The following PCDH15 variants were observed in gnomAD, a reference collection of about 807,000 sequenced individuals.
PCDH15 encodes protocadherin-15.
In PCDH15, 129 loss-of-function variants were observed where a neutral mutation model predicts 178.5. The observed-to-expected ratio is 0.72, with a 90% CI of 0.63 to 0.84. PCDH15 has a LOEUF of 0.84. Among genes scored for constraint, PCDH15 ranks in the 40% least tolerant of loss-of-function variants. The pLI is 0.00. For synonymous variants in PCDH15, 800 were observed against 732.0 expected (o/e 1.09, Z -1.50); for missense variants, 2,230 against 2,099.9 (o/e 1.06, Z -1.21).
At chr10:54,300,658 G>T (rs949978365) in intron 8 of PCDH15, among the ~76,000 whole-genome samples, 2 of 152,158 alleles carry the variant, frequency 1.3e-5, no homozygotes, top group African/African-American at 2.4e-5. Context: ...TCGGATGGGG[G>T]CTTGGAGAAC....
At chr10:54,680,505 T>G (rs1434314729) in intron 1 of PCDH15, among the ~76,000 whole-genome samples, 1 of 152,108 alleles carries the variant, frequency 6.6e-6, no homozygotes, top group Non-Finnish European at 1.5e-5. Flanking sequence ...TAGTTTAGGT[T>G]GTGTTAATGC....
chr10:54,412,634 G>C (rs1365994136), intron 3 of PCDH15, among the ~76,000 whole-genome samples: 2 of 152,154 alleles, frequency 1.3e-5, no homozygotes, highest in Non-Finnish European at 2.9e-5. Flanking sequence ...ATTAATGACT[G>C]TTACTGGCTA....
chr10:55,109,201 T>C (rs1837433149), intron 2 of PCDH15, among the ~76,000 whole-genome samples: 1 of 152,218 alleles, frequency 6.6e-6, no homozygotes, highest in East Asian at 1.9e-4. Flanking sequence ...CACTGAATAT[T>C]TGTATTTAGG....
intron 8 of PCDH15, among the ~76,000 whole-genome samples, chr10:54,294,673 T>TCA (rs1274942950): frequency 3.4e-5 from 5 of 145,182 alleles, no homozygotes; most frequent in East Asian, 2.0e-4. Context: ...GCAACAGTAA[T>TCA]CACACACACA....
intron 26 of PCDH15, among the ~76,000 whole-genome samples, chr10:53,872,174 CA>C (rs1346993090): frequency 5.9e-5 from 9 of 152,208 alleles, no homozygotes; most frequent in African/African-American, 2.2e-4. Flanking sequence ...TCCCTCTTTA[CA>C]AATTTCAGTA....
intron 2 of PCDH15, among the ~76,000 whole-genome samples, chr10:55,379,614 C>T (rs1837484498): frequency 1.3e-5 from 2 of 151,890 alleles, no homozygotes; most frequent in South Asian, 2.1e-4. Flanking sequence ...CAGCTAAATA[C>T]TTATTTAGCT....
chr10:54,030,561 A>G (rs2093263733), intron 18 of PCDH15, among the ~76,000 whole-genome samples: 1 of 152,052 alleles, frequency 6.6e-6, no homozygotes, highest in Admixed American at 6.6e-5. Flanking sequence ...AACTTGAATT[A>G]AAATCACTAA....
intron 2 of PCDH15, among the ~76,000 whole-genome samples, chr10:54,654,478 C>G (rs1322198499): frequency 1.3e-5 from 2 of 152,090 alleles, no homozygotes; most frequent in African/African-American, 2.4e-5. Flanking sequence ...TGCTGAAATG[C>G]TACAAAATTA....
chr10:55,618,383 G>A (rs1361229112), intron 2 of PCDH15, among the ~76,000 whole-genome samples: 4 of 151,962 alleles, frequency 2.6e-5, no homozygotes, highest in African/African-American at 9.7e-5. Flanking sequence ...TCCTAGGAGT[G>A]TCCTAATAGG....
At chr10:53,888,702 T>TATATATA (rs1554845542) in intron 26 of PCDH15, among the ~76,000 whole-genome samples, 2,077 of 46,140 alleles carry the variant, frequency 0.045, 459 homozygotes, top group Middle Eastern at 0.095. Flanking sequence ...TATATATATA[T>TATATATA]ATCTCCTGTG....
chr10:55,388,005 A>C (rs1234807005), intron 2 of PCDH15, among the ~76,000 whole-genome samples: 1 of 152,038 alleles, frequency 6.6e-6, no homozygotes, highest in African/African-American at 2.4e-5. Flanking sequence ...CAAATATTTG[A>C]TTACAAAATG....
intron 16 of PCDH15, among the ~76,000 whole-genome samples, chr10:54,081,440 C>T (rs895798153): frequency 9.2e-5 from 14 of 151,952 alleles, no homozygotes; most frequent in African/African-American, 3.4e-4. Context: ...TAAACACAAA[C>T]AGCTAATTGT....
intron 2 of PCDH15, among the ~76,000 whole-genome samples, chr10:54,919,903 A>C (rs1279580793): frequency 6.6e-6 from 1 of 152,056 alleles, no homozygotes; most frequent in Non-Finnish European, 1.5e-5. Flanking sequence ...GAAAAAAAAA[A>C]GGCTCTGTAA....
intron 15 of PCDH15, among the ~76,000 whole-genome samples, chr10:54,108,410 AGCTGATGCCG>A (rs2094955332): frequency 6.6e-6 from 1 of 152,184 alleles, no homozygotes; most frequent in African/African-American, 2.4e-5. Context: ...GAATGAATTC[AGCTGATGCCG>A]GCTCACAGAA....
intron 2 of PCDH15, among the ~76,000 whole-genome samples, chr10:55,003,203 A>G (rs1215483162): frequency 6.6e-6 from 1 of 152,194 alleles, no homozygotes; most frequent in Non-Finnish European, 1.5e-5. Context: ...TGATTCTTCT[A>G]AAAAGCAACT....
At chr10:54,544,076 C>T (rs1333609358) in intron 2 of PCDH15, among the ~76,000 whole-genome samples, 3 of 152,160 alleles carry the variant, frequency 2.0e-5, no homozygotes, top group African/African-American at 7.2e-5. Flanking sequence ...TCAACAATCC[C>T]ATTCTGCATC....
At chr10:54,949,570 G>T (rs903437995) in intron 2 of PCDH15, among the ~76,000 whole-genome samples, 2 of 151,824 alleles carry the variant, frequency 1.3e-5, no homozygotes, top group Non-Finnish European at 2.9e-5. Flanking sequence ...CAAAAAATGG[G>T]TTTTTCTTTT....
chr10:54,013,169 C>T (rs2660146), intron 20 of PCDH15, among the ~76,000 whole-genome samples: 116,071 of 151,902 alleles, frequency 0.76, 44,600 homozygotes, highest in Middle Eastern at 0.86. Flanking sequence ...AAAGATGAGC[C>T]TTACATAATG....
chr10:54,840,740 A>G lies in PCDH15; in HGVS notation c.-29+56710T>C, dbSNP rs973693551. Reference sequence around the variant, plus strand: ...GTCTAAAATGGAAGGAATATAAAGGATAGTCTATAAAATAGTAACCAAGAG... The same window carrying G: ...GTCTAAAATGGAAGGAATATAAAGGGTAGTCTATAAAATAGTAACCAAGAG... On this transcript the variant is annotated intron_variant, in intron 3 of 5. Transcript: ENST00000458638. Among the ~76,000 whole-genome samples the G allele has an allele frequency of 5.3e-5, 8 of 152,012 alleles. 1 individual carries two copies. Among genetic ancestry groups the G allele is most frequent in the Admixed American group, 3.3e-4 (5 of 15,236 alleles).
Sources: gnomAD v4.1 joint callset for allele counts (sites outside exome capture counted in the v4.1 genomes callset) on GRCh38, gnomAD v4.1.1 for gene constraint, MANE v1.5 for transcripts, NCBI Gene and HGNC (gene_info 2026-07-23, HGNC 2026-07-21) for gene names.